Variants in BMX observed in about 807,000 individuals in gnomAD.
BMX encodes BMX non-receptor tyrosine kinase, also known as cytoplasmic tyrosine-protein kinase BMX.
BMX carries 31 observed loss-of-function variants against 59.2 expected under a neutral mutation model. The observed-to-expected ratio is 0.52, with a 90% CI of 0.39 to 0.71. The LOEUF is 0.71. BMX is among the 30% of genes least tolerant of loss of function. The pLI is 0.00. For synonymous variants in BMX, 185 were observed against 181.0 expected (o/e 1.02, Z -0.18); for missense variants, 474 against 491.7 (o/e 0.96, Z 0.34).
chrX:15,521,674 C>T (rs1041950011), intron 6 of BMX, among the ~76,000 whole-genome samples: 1 of 111,283 alleles, frequency 9.0e-6, no homozygotes, highest in African/African-American at 3.3e-5. Flanking sequence ...GACCTCTACT[C>T]TCTAACCTCT....
chrX:15,556,438 G>A lies in BMX; in HGVS notation c.*291G>A. ...TGTGTTCATGTGTAAAGACTGAGCAGAACTGAAAAATTACTTATTGGATAT... is the reference window on the plus strand; with the variant it reads ...TGTGTTCATGTGTAAAGACTGAGCAAAACTGAAAAATTACTTATTGGATAT... On this transcript the variant is annotated 3_prime_UTR_variant, in exon 19 of 19. Coordinates refer to ENST00000348343, the MANE Select transcript of BMX (RefSeq NM_203281.3). 5.3e-6 allele frequency: 1 copy of A among 190,193 alleles called. No individual in the cohort carries two copies. The highest frequency in any genetic ancestry group is 9.7e-6 in the Non-Finnish European group (1 of 103,216). The allele number at this position is 190,193 out of a possible 1,213,427, so 15.7% of individuals were successfully genotyped here.
At chrX:15,527,864 C>T (rs1284788922) in intron 9 of BMX, among the ~76,000 whole-genome samples, 1 of 111,890 alleles carries the variant, frequency 8.9e-6, no homozygotes, top group African/African-American at 3.3e-5. Flanking sequence ...CTCAGGAAAG[C>T]ATTGATGGAA....
chrX:15,543,355 A>G (rs1925788998), intron 16 of BMX, among the ~76,000 whole-genome samples: 1 of 111,657 alleles, frequency 9.0e-6, no homozygotes, highest in African/African-American at 3.3e-5. Context: ...AAATTCCATG[A>G]AAGATCCTAA....
chrX:15,526,711 G>A (rs1051259530), intron 9 of BMX, among the ~76,000 whole-genome samples: 5 of 107,122 alleles, frequency 4.7e-5, no homozygotes, highest in Admixed American at 1.0e-4. Context: ...TCAGCCTCCC[G>A]AGTAGCTAAG....
intron 6 of BMX, among the ~76,000 whole-genome samples, chrX:15,521,030 G>GAC (rs72034155): frequency 0.094 from 10,360 of 110,341 alleles, 1,186 homozygotes; most frequent in African/African-American, 0.32. Context: ...CGCACACACA[G>GAC]ACACACACAC....
intron 14 of BMX, among the ~76,000 whole-genome samples, chrX:15,540,536 C>T (rs776817987): frequency 9.2e-6 from 1 of 108,566 alleles, no homozygotes; most frequent in Non-Finnish European, 1.9e-5. Context: ...CAAACCTGCA[C>T]GTTCTGCACA....
intron 11 of BMX, among the ~76,000 whole-genome samples, chrX:15,531,730 T>A (rs1221834769): frequency 9.0e-6 from 1 of 110,977 alleles, no homozygotes; most frequent in Non-Finnish European, 1.9e-5. Context: ...TTCATTCAGG[T>A]CTAAGCCTGG....
At chrX:15,516,674 TAA>T (rs58918868) in intron 5 of BMX, among the ~76,000 whole-genome samples, 7 of 102,348 alleles carry the variant, frequency 6.8e-5, no homozygotes, top group Admixed American at 2.1e-4. Context: ...ACAACATTAT[TAA>T]AAAAAAAAAA....
intron 17 of BMX, among the ~76,000 whole-genome samples, chrX:15,548,013 A>C (rs1326924386): frequency 8.9e-6 from 1 of 111,827 alleles, no homozygotes; most frequent in Non-Finnish European, 1.9e-5. Flanking sequence ...TTTTAAAACT[A>C]ACTATTCCCT....
intron 18 of BMX, among the ~76,000 whole-genome samples, chrX:15,551,533 A>G (rs1421770089): frequency 1.8e-5 from 1 of 57,054 alleles, no homozygotes; most frequent in African/African-American, 5.5e-5. Context: ...GTGTGTGTAT[A>G]TATATATATA....
intron 6 of BMX, among the ~76,000 whole-genome samples, chrX:15,518,679 G>C (rs906841233): frequency 2.7e-5 from 3 of 111,105 alleles, no homozygotes; most frequent in African/African-American, 9.8e-5. Context: ...CTTTTGGGGA[G>C]GGATTTTGGG....
chrX:15,541,880 G>A, intron 14 of BMX, 102 bp from the exon 15 acceptor site: 1 of 716,111 alleles, frequency 1.4e-6, no homozygotes, highest in East Asian at 3.2e-5. Flanking sequence ...AAGAGGGTGG[G>A]GGTGGGAATT....
Position 15,526,205 on chromosome X carries a change from T to C in BMX, c.884+110T>C, listed in dbSNP as rs747696968. On this transcript the variant is annotated intron_variant, in intron 9 of 18. Coordinates refer to ENST00000348343, the MANE Select transcript of BMX (RefSeq NM_203281.3). The stretch of plus-strand genomic sequence containing the variant: ...CTGAGACCGTCTCAGGAGGCTGTAT[T>C]TACATGGGTAAACTCACGTAATGTT... The C allele has an allele frequency of 2.0e-3, 1,255 of 643,371 alleles. 1 individual carries two copies. Among genetic ancestry groups the C allele is most frequent in the South Asian group, 3.1e-3 (76 of 24,728 alleles). 53.0% of individuals were successfully genotyped at this position (643,371 alleles called of 1,213,427 possible). A position where few individuals can be genotyped will look rare whatever the true frequency, so the allele number is the denominator to read the frequency against.
At chrX:15,532,603 A>T (rs1925137455) in intron 11 of BMX, among the ~76,000 whole-genome samples, 2 of 112,360 alleles carry the variant, frequency 1.8e-5, no homozygotes, top group African/African-American at 3.2e-5. Flanking sequence ...TTTAGCAGCT[A>T]GATTGAATGA....
At chrX:15,547,980 T>C (rs1926019382) in intron 17 of BMX, among the ~76,000 whole-genome samples, 1 of 111,757 alleles carries the variant, frequency 8.9e-6, no homozygotes, top group Admixed American at 9.5e-5. Flanking sequence ...AATTTAGTTA[T>C]TTATTTCTCT....
At chrX:15,515,810 GA>G (rs1924130480) in intron 4 of BMX, among the ~76,000 whole-genome samples, 2 of 111,638 alleles carry the variant, frequency 1.8e-5, no homozygotes, top group Admixed American at 1.9e-4. Flanking sequence ...TTTCTTTACA[GA>G]TATATCTCTA....
At chrX:15,518,935 T>C (rs1265637365) in intron 6 of BMX, among the ~76,000 whole-genome samples, 1 of 111,977 alleles carries the variant, frequency 8.9e-6, no homozygotes. Flanking sequence ...CCCTCAATCT[T>C]TCAAGATGGC....
At chrX:15,545,015 T>C (rs770634072) in intron 16 of BMX, among the ~76,000 whole-genome samples, 60 of 111,901 alleles carry the variant, frequency 5.4e-4, no homozygotes, top group African/African-American at 1.8e-3. Flanking sequence ...ATGTGTTTGT[T>C]TTTGTTGTGG....
chrX:15,543,646 T>TA (rs11364965), intron 16 of BMX, among the ~76,000 whole-genome samples: 47 of 105,636 alleles, frequency 4.4e-4, no homozygotes, highest in African/African-American at 1.3e-3. Flanking sequence ...TGTCTGTCAT[T>TA]AAAAAAAAAA....
Sources: gnomAD v4.1 joint callset for allele counts (sites outside exome capture counted in the v4.1 genomes callset) on GRCh38, gnomAD v4.1.1 for gene constraint, MANE v1.5 for transcripts, NCBI Gene and HGNC (gene_info 2026-07-23, HGNC 2026-07-21) for gene names.